PGAP3: variants seen among roughly 807,000 people sequenced by gnomAD.
PGAP3 encodes the protein GPI-specific phospholipase A2-like PGAP3.
A neutral mutation model predicts 40.3 loss-of-function variants in PGAP3; 31 were observed. That is an observed-to-expected ratio of 0.77 (90% CI 0.58 to 1.04). The LOEUF is 1.04. PGAP3 is among the 50% of genes least tolerant of loss of function. The probability of loss-of-function intolerance (pLI) is 0.00; values close to 1 mark genes in which losing one functional copy is unlikely to be tolerated. For missense variants in PGAP3, 413 were observed against 423.0 expected (o/e 0.98, Z 0.21); for synonymous variants, 191 against 184.5 (o/e 1.04, Z -0.29).
intron 3 of PGAP3, among the ~76,000 whole-genome samples, chr17:39,679,968 A>G (rs575719074): frequency 3.3e-5 from 5 of 152,226 alleles, no homozygotes; most frequent in African/African-American, 1.2e-4. Flanking sequence ...CCCCAGTTAG[A>G]GGACGCGGTC....
At chr17:39,675,230 G>A (rs1397862944) in intron 3 of PGAP3, among the ~76,000 whole-genome samples, 1 of 152,058 alleles carries the variant, frequency 6.6e-6, no homozygotes, top group Admixed American at 6.5e-5. Flanking sequence ...TCCTGGCTGG[G>A]CCTGCCCAAC....
intron 3 of PGAP3, among the ~76,000 whole-genome samples, chr17:39,681,157 C>T (rs1469193567): frequency 6.6e-6 from 1 of 152,148 alleles, no homozygotes; most frequent in Non-Finnish European, 1.5e-5. Flanking sequence ...TGAGCCACTG[C>T]GCCCGGCCTC....
intron 3 of PGAP3, among the ~76,000 whole-genome samples, chr17:39,676,929 A>G (rs144614117): frequency 1.3e-5 from 2 of 151,732 alleles, no homozygotes; most frequent in East Asian, 1.9e-4. Flanking sequence ...TCTGCCTCCC[A>G]CTCTCCCTGC....
intron 3 of PGAP3, among the ~76,000 whole-genome samples, chr17:39,683,562 GCTT>G (rs1264652151): frequency 6.6e-6 from 1 of 152,226 alleles, no homozygotes; most frequent in Non-Finnish European, 1.5e-5. Flanking sequence ...TGAGTGAATG[GCTT>G]CTGTGAGAGC....
rs753406056 is a variant in PGAP3, at chr17:39,686,008, G to C, written c.193C>G (p.Arg65Gly). 1 of 1,612,298 alleles carries C rather than the reference G, an allele frequency of 6.2e-7. No individual in the cohort carries two copies. Among genetic ancestry groups the C allele is most frequent in the Non-Finnish European group, 8.5e-7 (1 of 1,178,896 alleles). Residue 65 changes from arginine to glycine, a missense_variant, in exon 2 of 8, where the codon CGG becomes GGG. Coordinates refer to ENST00000300658, the MANE Select transcript of PGAP3 (RefSeq NM_033419.5). ...ATACACTCATACTTACAGTCGTCCC[G>C]ACAGGTCCAGCCTGAAACAGACAAA... is the stretch of plus-strand genomic sequence containing the variant. The part of the protein sequence containing the change: ...IYMSLAGWTC[R>G]DDCKYECMWV...
At chr17:39,673,921 G>A (rs1597813129) in intron 5 of PGAP3, 72 bp downstream of exon 5, 11 of 1,534,110 alleles carry the variant, frequency 7.2e-6, no homozygotes, top group Non-Finnish European at 9.9e-6. Flanking sequence ...AAGGCCCCCA[G>A]GGGAAGGCTG....
At chr17:39,678,075 T>C (rs1191384304) in intron 3 of PGAP3, among the ~76,000 whole-genome samples, 1 of 152,158 alleles carries the variant, frequency 6.6e-6, no homozygotes, top group African/African-American at 2.4e-5. Context: ...CAGAGGTGGA[T>C]GCGGATGGGA....
rs779974541 is a variant in PGAP3, at chr17:39,674,073, G to A, written c.496-19C>T. The A allele has an allele frequency of 1.7e-5, 27 of 1,611,384 alleles. No individual in the cohort carries two copies. The Admixed American group carries it at 4.3e-4, about 26-fold the overall frequency. ...CCATTTTCTGAGGACAGGGAAGGGTGGTGAGGGACCAGCATGAGGCTTCAC... is the reference window on the plus strand; with the variant it reads ...CCATTTTCTGAGGACAGGGAAGGGTAGTGAGGGACCAGCATGAGGCTTCAC... On this transcript the variant is annotated intron_variant, in intron 4 of 7. Coordinates refer to ENST00000300658, the MANE Select transcript of PGAP3 (RefSeq NM_033419.5).
chr17:39,686,065 G>T (rs748021815), intron 1 of PGAP3, 46 bp from the exon 2 acceptor site: 1 of 1,544,814 alleles, frequency 6.5e-7, no homozygotes, highest in Non-Finnish European at 8.9e-7. Context: ...GCACAGAGAG[G>T]AAAGAGAGAG....
chr17:39,673,335 AC>A, intron 6 of PGAP3, 80 bp from the exon 7 acceptor site: 1 of 1,562,380 alleles, frequency 6.4e-7, no homozygotes. Context: ...ATGCTCTCTG[AC>A]CCCAGGATCA....
rs899215497 is a variant in PGAP3, at chr17:39,671,392, T to C, written c.*1411A>G. ...GGAACATGCCAGGGCTGCTGGTAAA[T>C]GGCAGGGGTCACCTTTACCAGGGCG... On this transcript the variant is annotated 3_prime_UTR_variant, in exon 8 of 8. Coordinates refer to ENST00000300658, the MANE Select transcript of PGAP3 (RefSeq NM_033419.5). The C allele has an allele frequency of 3.9e-5, 6 of 152,208 alleles. No homozygotes were observed. Among genetic ancestry groups the C allele is most frequent in the Non-Finnish European group, 7.3e-5 (5 of 68,034 alleles). 9.4% of individuals were successfully genotyped at this position (152,208 alleles called of 1,614,324 possible). A position where few individuals can be genotyped will look rare whatever the true frequency, so the allele number is the denominator to read the frequency against.
chr17:39,674,738 C>A (rs1221313644), intron 3 of PGAP3, 59 bp from the exon 4 acceptor site: 3 of 1,451,724 alleles, frequency 2.1e-6, no homozygotes, highest in Non-Finnish European at 2.8e-6. Flanking sequence ...AGGCAGGGAC[C>A]CCCATTTGCT....
At chr17:39,677,342 G>A (rs1022743237) in intron 3 of PGAP3, among the ~76,000 whole-genome samples, 4 of 151,936 alleles carry the variant, frequency 2.6e-5, no homozygotes, top group African/African-American at 7.3e-5. Context: ...TTCCCTTTCC[G>A]CAAGGGTCAC....
intron 2 of PGAP3, among the ~76,000 whole-genome samples, chr17:39,685,108 A>C (rs1474051190): frequency 6.6e-6 from 1 of 152,154 alleles, no homozygotes; most frequent in African/African-American, 2.4e-5. Context: ...TTTGAGCCTC[A>C]GCTTACTCTG....
intron 3 of PGAP3, 107 bp from the exon 4 acceptor site, chr17:39,674,786 C>A: frequency 9.3e-7 from 1 of 1,079,460 alleles, no homozygotes; most frequent in South Asian, 1.5e-5. Context: ...CTCTGCAGGA[C>A]AAGAAATGTG....
Position 39,672,750 on chromosome 17 carries a change from G to A in PGAP3, c.*53C>T. The A allele has an allele frequency of 6.6e-7, 1 of 1,526,454 alleles. No homozygotes were observed. The highest frequency in any genetic ancestry group is 1.7e-5 in the Admixed American group (1 of 59,720). 94.6% of individuals were successfully genotyped at this position (1,526,454 alleles called of 1,614,324 possible). The stretch of plus-strand genomic sequence containing the variant: ...TCTCAAGGGTTGAGGGGAGAAGGGA[G>A]GCCAGCAGGGCGGGGGCAGGATCCC... On this transcript the variant is annotated 3_prime_UTR_variant, in exon 8 of 8. Coordinates refer to ENST00000300658, the MANE Select transcript of PGAP3 (RefSeq NM_033419.5).
chr17:39,679,507 T>G lies in PGAP3; in HGVS notation c.433-4828A>C, dbSNP rs559186947. On this transcript the variant is annotated intron_variant, in intron 3 of 7. Coordinates refer to ENST00000300658, the MANE Select transcript of PGAP3 (RefSeq NM_033419.5). ...GGCAGGGCTGTCCCATGCTCTCTAG[T>G]AGAGGTGGGGACAAGTGGGTGGTAC... Among the ~76,000 whole-genome samples, 8 of 152,250 alleles carry G rather than the reference T, an allele frequency of 5.3e-5. No individual in the cohort carries two copies. The South Asian group carries it at 1.7e-3, about 32-fold the overall frequency.
chr17:39,673,234 C>T lies in PGAP3; in HGVS notation c.716G>A (p.Trp239Ter), dbSNP rs2057331970. 11 of 1,561,922 alleles carry T rather than the reference C, an allele frequency of 7.0e-6. No homozygotes were observed. Among genetic ancestry groups the T allele is most frequent in the Non-Finnish European group, 9.5e-6 (11 of 1,153,144 alleles). ...CTGGTTCCACAGGCACCAGGCCAGCCACCACACCACGTTGACCAGGCCTGG... is the reference window on the plus strand; with the variant it reads ...CTGGTTCCACAGGCACCAGGCCAGCTACCACACCACGTTGACCAGGCCTGG... ...VAIGLVNVVW[W>*]LAWCLWNQRR... The change falls in exon 7 of 8, where the codon TGG becomes TAG. Residue 239 changes from tryptophan to a stop codon, truncating the protein, a stop_gained. Coordinates refer to ENST00000300658, the MANE Select transcript of PGAP3 (RefSeq NM_033419.5). LOFTEE classifies it high-confidence loss of function.
intron 2 of PGAP3, among the ~76,000 whole-genome samples, chr17:39,685,129 G>A (rs924107663): frequency 8.6e-5 from 13 of 152,012 alleles, no homozygotes; most frequent in East Asian, 1.9e-4. Context: ...TGAAAAACTG[G>A]GGTGAATACT....
Sources: allele counts gnomAD v4.1 joint callset (sites outside exome capture counted in the v4.1 genomes callset), GRCh38; gene constraint gnomAD v4.1.1; transcripts MANE v1.5; gene names NCBI Gene and HGNC (gene_info 2026-07-23, HGNC 2026-07-21).